The following PPARGC1A variants were observed in gnomAD, a reference collection of about 807,000 sequenced individuals.
PPARGC1A encodes the protein peroxisome proliferator-activated receptor gamma coactivator 1-alpha.
Under a neutral mutation model 88.7 loss-of-function variants are expected in PPARGC1A, and 25 were observed. The observed-to-expected ratio is 0.28, with a 90% CI of 0.21 to 0.39. The LOEUF (loss-of-function observed/expected upper bound fraction) is 0.39. Ranked by LOEUF, PPARGC1A falls within the 10% of genes least tolerant of loss-of-function variation. The pLI is 1.00. For synonymous variants in PPARGC1A, 363 were observed against 355.6 expected (o/e 1.02, Z -0.24); for missense variants, 880 against 968.7 (o/e 0.91, Z 1.22).
intron 2 of PPARGC1A, among the ~76,000 whole-genome samples, chr4:23,845,475 C>T (rs1199963922): frequency 6.6e-6 from 1 of 152,070 alleles, no homozygotes; most frequent in East Asian, 1.9e-4. Flanking sequence ...GATCTGATTA[C>T]TGTAATATCC....
chr4:24,376,409 C>A, the PPARGC1A span, among the ~76,000 whole-genome samples: 1 of 152,202 alleles, frequency 6.6e-6, no homozygotes, highest in Non-Finnish European at 1.5e-5. Context: ...CCAATCAGTT[C>A]CATTGATAGG....
the PPARGC1A span, among the ~76,000 whole-genome samples, chr4:23,910,393 ATT>A: frequency 1.8e-5 from 2 of 111,576 alleles, no homozygotes; most frequent in African/African-American, 7.1e-5. Flanking sequence ...TATTATATAT[ATT>A]ATATATATAT....
intron 10 of PPARGC1A, among the ~76,000 whole-genome samples, chr4:23,810,558 C>T (rs973089949): frequency 6.6e-6 from 1 of 152,122 alleles, no homozygotes; most frequent in African/African-American, 2.4e-5. Flanking sequence ...CCCTTCCTTT[C>T]TTTATTAATA....
chr4:23,846,200 C>T (rs1361476191), intron 2 of PPARGC1A, among the ~76,000 whole-genome samples: 1 of 152,130 alleles, frequency 6.6e-6, no homozygotes, highest in Non-Finnish European at 1.5e-5. Context: ...AATGCCTTGC[C>T]ACATTGTGGC....
chr4:23,879,325 C>A (rs1011633529), intron 2 of PPARGC1A, among the ~76,000 whole-genome samples: 1 of 152,008 alleles, frequency 6.6e-6, no homozygotes, highest in Non-Finnish European at 1.5e-5. Context: ...TCCAAGGAGA[C>A]AAGTGAAAAA....
At chr4:24,015,112 C>T in the PPARGC1A span, among the ~76,000 whole-genome samples, 1 of 152,064 alleles carries the variant, frequency 6.6e-6, no homozygotes, top group South Asian at 2.1e-4. Flanking sequence ...TGGGCTGAGC[C>T]ATATGAAATT....
chr4:23,831,162 A>G (rs1408593625), intron 3 of PPARGC1A, among the ~76,000 whole-genome samples: 1 of 152,204 alleles, frequency 6.6e-6, no homozygotes, highest in Non-Finnish European at 1.5e-5. Context: ...TTAAATTTGA[A>G]CCCATATGCT....
chr4:24,397,210 A>G, the PPARGC1A span, among the ~76,000 whole-genome samples: 1 of 152,232 alleles, frequency 6.6e-6, no homozygotes, highest in Non-Finnish European at 1.5e-5. Context: ...ACAATATTAC[A>G]AAACTTATTA....
chr4:24,076,629 G>T, the PPARGC1A span, among the ~76,000 whole-genome samples: 1 of 152,088 alleles, frequency 6.6e-6, no homozygotes. Context: ...TGCTCTATCT[G>T]TTTCTACCAT....
At chr4:23,963,872 G>A in the PPARGC1A span, among the ~76,000 whole-genome samples, 1 of 152,186 alleles carries the variant, frequency 6.6e-6, no homozygotes, top group Non-Finnish European at 1.5e-5. Flanking sequence ...CGGCCAGGGA[G>A]GAAATTTTGA....
chr4:23,929,333 G>T, the PPARGC1A span, among the ~76,000 whole-genome samples: 2 of 152,064 alleles, frequency 1.3e-5, no homozygotes, highest in African/African-American at 4.8e-5. Flanking sequence ...ACTAGAGGTG[G>T]AAAAATAAAA....
chr4:24,333,940 CAAAAA>C, the PPARGC1A span, among the ~76,000 whole-genome samples: 1 of 13,830 alleles, frequency 7.2e-5, no homozygotes, highest in African/African-American at 1.9e-4. Context: ...ACAACAACAA[CAAAAA>C]AAAAAAAAAA....
chr4:24,165,808 C>T, the PPARGC1A span, among the ~76,000 whole-genome samples: 22,107 of 152,082 alleles, frequency 0.15, 2,211 homozygotes, highest in African/African-American at 0.29. Flanking sequence ...TTCTCCTCTC[C>T]CTCTCCCTGT....
the PPARGC1A span, among the ~76,000 whole-genome samples, chr4:24,461,187 C>T: frequency 5.3e-5 from 8 of 152,300 alleles, no homozygotes; most frequent in East Asian, 3.9e-4. Flanking sequence ...GCCTCCCAAA[C>T]GCTAGGATTG....
chr4:23,801,303 GCACA>G (rs1202641199), intron 12 of PPARGC1A, among the ~76,000 whole-genome samples: 8 of 150,534 alleles, frequency 5.3e-5, no homozygotes, highest in African/African-American at 1.2e-4. Context: ...CATAACACAC[GCACA>G]CACAAAGCAC....
the PPARGC1A span, among the ~76,000 whole-genome samples, chr4:24,242,506 G>A: frequency 5.3e-5 from 8 of 152,224 alleles, no homozygotes; most frequent in East Asian, 1.9e-4. Context: ...CAGATGTCAC[G>A]ATCTCCATAA....
the PPARGC1A span, among the ~76,000 whole-genome samples, chr4:24,010,917 C>T: frequency 6.6e-5 from 10 of 152,034 alleles, no homozygotes; most frequent in Admixed American, 4.6e-4. Flanking sequence ...AGAGAGTCCC[C>T]GTGAGTGATA....
the PPARGC1A span, among the ~76,000 whole-genome samples, chr4:23,962,455 C>T: frequency 6.6e-6 from 1 of 152,108 alleles, no homozygotes. Flanking sequence ...CTCTGCTCCA[C>T]TAAGAAGATA....
intron 10 of PPARGC1A, among the ~76,000 whole-genome samples, chr4:23,812,522 A>G (rs1200399862): frequency 6.6e-6 from 1 of 152,196 alleles, no homozygotes; most frequent in Non-Finnish European, 1.5e-5. Context: ...TGAACTTCAA[A>G]ATGAAACTGT....
Sources: allele counts gnomAD v4.1 joint callset (sites outside exome capture counted in the v4.1 genomes callset), GRCh38; gene constraint gnomAD v4.1.1; transcripts MANE v1.5; gene names NCBI Gene and HGNC (gene_info 2026-07-23, HGNC 2026-07-21).